The following AFF1 variants were observed in gnomAD, a reference collection of about 807,000 sequenced individuals.
AFF1 encodes AF4/FMR2 family member 1.
In AFF1, 48 loss-of-function variants were observed where a neutral mutation model predicts 121.7. The observed-to-expected ratio is 0.39, with a 90% CI of 0.31 to 0.50. AFF1 has a LOEUF of 0.50. Among genes scored for constraint, AFF1 ranks in the 20% least tolerant of loss-of-function variants. AFF1 has a pLI of 0.76. For synonymous variants in AFF1, 613 were observed against 563.0 expected (o/e 1.09, Z -1.26); for missense variants, 1,523 against 1,511.7 (o/e 1.01, Z -0.12).
intron 2 of AFF1, among the ~76,000 whole-genome samples, chr4:87,037,462 C>G (rs537194470): frequency 6.6e-6 from 1 of 152,196 alleles, no homozygotes; most frequent in East Asian, 1.9e-4. Context: ...CAGGCACACA[C>G]CACCACACCC....
chr4:86,991,096 G>A (rs924818003), intron 2 of AFF1, among the ~76,000 whole-genome samples: 15 of 151,498 alleles, frequency 9.9e-5, no homozygotes, highest in Admixed American at 9.9e-4. Flanking sequence ...AGGTTGCAGT[G>A]AGTCGAGATC....
At chr4:86,939,717 T>C (rs953623647) in intron 1 of AFF1, among the ~76,000 whole-genome samples, 2 of 152,194 alleles carry the variant, frequency 1.3e-5, no homozygotes, top group Non-Finnish European at 2.9e-5. Flanking sequence ...ATACAGTGAA[T>C]ATGTGCAGCC....
chr4:87,012,726 C>T (rs1405977749), intron 2 of AFF1, among the ~76,000 whole-genome samples: 2 of 152,194 alleles, frequency 1.3e-5, no homozygotes, highest in Non-Finnish European at 2.9e-5. Flanking sequence ...TAGATTTACA[C>T]TTCAGGAGAA....
chr4:87,026,353 C>T (rs1728536516), intron 2 of AFF1, among the ~76,000 whole-genome samples: 2 of 152,212 alleles, frequency 1.3e-5, no homozygotes, highest in Non-Finnish European at 1.5e-5. Flanking sequence ...CTGCCTCGGC[C>T]TCCCAAATTG....
chr4:86,985,507 CA>C (rs34276113), intron 2 of AFF1, among the ~76,000 whole-genome samples: 1,902 of 96,466 alleles, frequency 0.02, 19 homozygotes, highest in Non-Finnish European at 0.026. Context: ...GACACTGTCT[CA>C]AAAAAAAAAA....
chr4:86,948,728 CTTG>C (rs1275826510), intron 2 of AFF1, among the ~76,000 whole-genome samples, 157 bp downstream of exon 2: 2 of 152,178 alleles, frequency 1.3e-5, no homozygotes, highest in African/African-American at 4.8e-5. Context: ...TGAAGTCAAA[CTTG>C]TTGGACTGGC....
chr4:87,126,839 G>A (rs768298760), intron 14 of AFF1, among the ~76,000 whole-genome samples, 187 bp from the exon 15 acceptor site: 3 of 152,198 alleles, frequency 2.0e-5, no homozygotes, highest in Non-Finnish European at 1.5e-5. Context: ...TGAGTCCCCA[G>A]TACAATCAGA....
chr4:87,093,995 G>A (rs1724576066), intron 7 of AFF1, among the ~76,000 whole-genome samples: 1 of 152,126 alleles, frequency 6.6e-6, no homozygotes, highest in Non-Finnish European at 1.5e-5. Context: ...GATCATTGAT[G>A]TGTCTCATAG....
chr4:86,981,173 C>T (rs184170395), intron 2 of AFF1, among the ~76,000 whole-genome samples: 360 of 151,992 alleles, frequency 2.4e-3, no homozygotes, highest in African/African-American at 8.3e-3. Flanking sequence ...CCACCAAGCA[C>T]GGCTAATTTT....
At chr4:87,100,006 CT>C (rs1003267425) in intron 8 of AFF1, among the ~76,000 whole-genome samples, 1 of 152,010 alleles carries the variant, frequency 6.6e-6, no homozygotes, top group African/African-American at 2.4e-5. Flanking sequence ...CTGAGGGAGT[CT>C]TTTTTTAAGT....
chr4:87,131,327 CT>C, intron 17 of AFF1, 108 bp downstream of exon 17: 1 of 1,428,712 alleles, frequency 7.0e-7, no homozygotes, highest in Non-Finnish European at 9.5e-7. Context: ...AAAGGGGAGC[CT>C]TAAAAAAGTT....
At chr4:87,105,768 T>A in intron 9 of AFF1, 40 bp from the exon 10 acceptor site, 1 of 1,614,104 alleles carries the variant, frequency 6.2e-7, no homozygotes, top group Non-Finnish European at 8.5e-7. Context: ...TGTTTTTTGT[T>A]CTTTTCCTGG....
At chr4:87,119,109 C>A (rs940584544) in intron 12 of AFF1, among the ~76,000 whole-genome samples, 1 of 152,148 alleles carries the variant, frequency 6.6e-6, no homozygotes, top group Non-Finnish European at 1.5e-5. Flanking sequence ...CCTCCAGACC[C>A]TATTCTCCTG....
chr4:87,095,115 A>T, intron 8 of AFF1, 146 bp downstream of exon 8: 2 of 796,934 alleles, frequency 2.5e-6, no homozygotes, highest in South Asian at 1.8e-5. Flanking sequence ...GCCCACATTA[A>T]TTTTTTTTGC....
intron 4 of AFF1, among the ~76,000 whole-genome samples, chr4:87,075,418 C>G (rs1038366138): frequency 6.6e-6 from 1 of 152,126 alleles, no homozygotes; most frequent in Non-Finnish European, 1.5e-5. Context: ...CCTATCTACA[C>G]GATATATTAG....
chr4:87,120,902 G>A (rs1727622239), intron 12 of AFF1, among the ~76,000 whole-genome samples: 2 of 152,112 alleles, frequency 1.3e-5, no homozygotes, highest in African/African-American at 2.4e-5. Flanking sequence ...CTGGCTGCAC[G>A]GCAGCGCAGC....
chr4:87,020,934 A>G (rs1727836731), intron 2 of AFF1: 7 of 742,444 alleles, frequency 9.4e-6, no homozygotes, highest in Non-Finnish European at 1.2e-5. Flanking sequence ...CTTTTAATAT[A>G]TTCTGCATGC....
chr4:87,085,438 TC>T (rs1369703872), intron 5 of AFF1, among the ~76,000 whole-genome samples: 1 of 151,534 alleles, frequency 6.6e-6, no homozygotes, highest in African/African-American at 2.4e-5. Context: ...ACTTTTTTCT[TC>T]TTTTTTTTTT....
intron 4 of AFF1, among the ~76,000 whole-genome samples, chr4:87,072,812 G>GT (rs1722228652): frequency 6.6e-6 from 1 of 152,166 alleles, no homozygotes; most frequent in African/African-American, 2.4e-5. Flanking sequence ...GATTACAGGC[G>GT]TGAGCCAGTG....
Sources: allele counts gnomAD v4.1 joint callset (sites outside exome capture counted in the v4.1 genomes callset), GRCh38; gene constraint gnomAD v4.1.1; transcripts MANE v1.5; gene names NCBI Gene and HGNC (gene_info 2026-07-23, HGNC 2026-07-21).